The following COL13A1 variants were observed in gnomAD, a reference collection of about 807,000 sequenced individuals.
The protein encoded by COL13A1 is collagen type XIII alpha 1 chain.
COL13A1 carries 89 observed loss-of-function variants against 130.9 expected under a neutral mutation model. The ratio of observed to expected loss-of-function variants is 0.68; its 90% CI spans 0.57 to 0.81. The LOEUF is 0.81. COL13A1 is among the 30% of genes least tolerant of loss of function. The pLI, the probability that COL13A1 is intolerant of heterozygous loss-of-function variation, is 0.00. For synonymous variants in COL13A1, 402 were observed against 341.6 expected (o/e 1.18, Z -1.95); for missense variants, 879 against 934.6 (o/e 0.94, Z 0.78).
chr10:69,888,472 G>T (rs544552026), intron 9 of COL13A1, 142 bp downstream of exon 9: 1 of 1,221,870 alleles, frequency 8.2e-7, no homozygotes, highest in East Asian at 2.6e-5. Context: ...GTGGGAAGTG[G>T]AGGGGGCCAT....
At chr10:69,918,622 T>C (rs2064228790) in intron 19 of COL13A1, among the ~76,000 whole-genome samples, 1 of 152,214 alleles carries the variant, frequency 6.6e-6, no homozygotes, top group African/African-American at 2.4e-5. Context: ...GGCAGCTATA[T>C]GCTTCCAAAG....
In COL13A1 at chr10:69,946,105, AAAT is replaced by A. The variant is rs1283436053; in HGVS notation, c.2022+382_2022+384del. ...ACACACAAACCAAAAAAAAAAAAAA[AAAT>A]CACCTAGGGCCTGGAGCACAAATCC... On this transcript the variant is annotated intron_variant, in intron 37 of 40. Coordinates refer to ENST00000645393, the MANE Select transcript of COL13A1 (RefSeq NM_001368882.1). 1.1e-3 allele frequency among the ~76,000 whole-genome samples: 161 copies of A among 142,192 alleles called. 1 individual carries two copies. Among genetic ancestry groups the A allele is most frequent in the African/African-American group, 3.3e-3 (126 of 37,820 alleles). The allele number at this position is 142,192 out of a possible 152,430, so 93.3% of individuals were successfully genotyped here. A position where few individuals can be genotyped will look rare whatever the true frequency, so the allele number is the denominator to read the frequency against.
rs138445637 is a variant in COL13A1, at chr10:69,804,246, T to C, written c.294+1529T>C. On this transcript the variant is annotated intron_variant, in intron 1 of 40. Coordinates refer to ENST00000645393, the MANE Select transcript of COL13A1 (RefSeq NM_001368882.1). Reference sequence around the variant, plus strand: ...CTCCAGGTATCTCGGGGGTCCTGGCTGCTGAGGGATAAGCATCTGATTTTC... The same window carrying C: ...CTCCAGGTATCTCGGGGGTCCTGGCCGCTGAGGGATAAGCATCTGATTTTC... Among the ~76,000 whole-genome samples, 753 of 151,108 alleles carry C rather than the reference T, an allele frequency of 5.0e-3. 4 individuals are homozygous for C. Among genetic ancestry groups the C allele is most frequent in the South Asian group, 0.024 (111 of 4,700 alleles).
chr10:69,862,963 G>A (rs1257495836), intron 2 of COL13A1, among the ~76,000 whole-genome samples: 2 of 152,214 alleles, frequency 1.3e-5, no homozygotes, highest in Non-Finnish European at 2.9e-5. Flanking sequence ...GGTGGAGGTG[G>A]AACAGGCCAA....
intron 24 of COL13A1, among the ~76,000 whole-genome samples, chr10:69,924,454 T>G (rs1252927479): frequency 6.6e-6 from 1 of 151,928 alleles, no homozygotes; most frequent in Non-Finnish European, 1.5e-5. Context: ...GGGAGGTGGG[T>G]GCTCATACAC....
intron 1 of COL13A1, 104 bp downstream of exon 1, chr10:69,802,821 C>T: frequency 1.4e-6 from 2 of 1,447,480 alleles, no homozygotes; most frequent in East Asian, 2.4e-5. Context: ...CTCTGCGAGC[C>T]CCAGGTTCGC....
At chr10:69,811,510 C>T (rs567919565) in intron 1 of COL13A1, among the ~76,000 whole-genome samples, 9 of 152,310 alleles carry the variant, frequency 5.9e-5, no homozygotes, top group African/African-American at 1.9e-4. Context: ...GCTTCATCCA[C>T]CTCCCCCTGA....
At chr10:69,842,793 T>C (rs1851953623) in intron 2 of COL13A1, among the ~76,000 whole-genome samples, 1 of 152,136 alleles carries the variant, frequency 6.6e-6, no homozygotes, top group Admixed American at 6.5e-5. Context: ...CAGAGTTTGC[T>C]CCTTTGAGGA....
intron 30 of COL13A1, among the ~76,000 whole-genome samples, chr10:69,931,554 A>C (rs1469496610): frequency 6.6e-6 from 1 of 152,184 alleles, no homozygotes; most frequent in Non-Finnish European, 1.5e-5. Context: ...AAGTGGAAAG[A>C]GCCTCAGAGG....
intron 22 of COL13A1, 143 bp downstream of exon 22, chr10:69,922,078 G>A (rs1221721427): frequency 6.2e-6 from 7 of 1,133,132 alleles, no homozygotes; most frequent in Admixed American, 2.9e-5. Context: ...GCCAGATTCT[G>A]TTTGTCGAGG....
At chr10:69,842,841 C>T (rs919038055) in intron 2 of COL13A1, among the ~76,000 whole-genome samples, 2 of 152,194 alleles carry the variant, frequency 1.3e-5, no homozygotes, top group Non-Finnish European at 2.9e-5. Flanking sequence ...TGCTGGGTTC[C>T]GCTGTGTGAG....
intron 13 of COL13A1, among the ~76,000 whole-genome samples, chr10:69,895,953 A>G (rs1315716867): frequency 2.6e-5 from 4 of 151,788 alleles, no homozygotes; most frequent in African/African-American, 9.7e-5. Flanking sequence ...TTGACTCCCC[A>G]CCCAACAAGC....
At chr10:69,913,327 G>A (rs2063577676) in intron 17 of COL13A1, among the ~76,000 whole-genome samples, 1 of 152,230 alleles carries the variant, frequency 6.6e-6, no homozygotes, top group African/African-American at 2.4e-5. Context: ...CCCTTCTGGG[G>A]AGACAAGAGG....
chr10:69,830,516 C>A (rs1271013741), intron 2 of COL13A1, among the ~76,000 whole-genome samples: 1 of 152,154 alleles, frequency 6.6e-6, no homozygotes, highest in Non-Finnish European at 1.5e-5. Flanking sequence ...AGTCATTTAT[C>A]TAAAGTTAAA....
rs2062689635 is a variant in COL13A1 at position 69,905,785 on chromosome 10, A to G, written c.886-2A>G. On this transcript the variant is annotated splice_acceptor_variant, in intron 16 of 40. Transcript: ENST00000645393. LOFTEE classifies it high-confidence loss of function. ...TTAATGGCCTTCTCTTTGTTTTCCC[A>G]GGGAGACCCAGGGATCCAGGGCTAC... is the stretch of plus-strand genomic sequence containing the variant. 1.2e-6 allele frequency: 2 copies of G among 1,613,350 alleles called. No individual in the cohort carries two copies. Among genetic ancestry groups the G allele is most frequent in the Non-Finnish European group, 1.7e-6 (2 of 1,179,728 alleles).
chr10:69,899,899 T>C (rs1343884496), intron 14 of COL13A1, among the ~76,000 whole-genome samples: 2 of 152,068 alleles, frequency 1.3e-5, no homozygotes, highest in Admixed American at 1.3e-4. Context: ...CTGGCCTGAC[T>C]CAGGAGTCAG....
At chr10:69,848,602 A>G (rs1242119043) in intron 2 of COL13A1, among the ~76,000 whole-genome samples, 1 of 152,254 alleles carries the variant, frequency 6.6e-6, no homozygotes, top group African/African-American at 2.4e-5. Context: ...GAGTGAGAGC[A>G]AGAACAGCCA....
chr10:69,905,913 C>T (rs1589428286), intron 17 of COL13A1, 91 bp downstream of exon 17: 7 of 1,440,764 alleles, frequency 4.9e-6, no homozygotes, highest in Non-Finnish European at 6.7e-6. Context: ...CTCTCCCTTC[C>T]AACCTAGGTG....
intron 3 of COL13A1, among the ~76,000 whole-genome samples, chr10:69,869,504 G>A (rs987598024): frequency 6.6e-6 from 1 of 152,334 alleles, no homozygotes; most frequent in South Asian, 2.1e-4. Context: ...TATCCTGGGG[G>A]CTGGCTCTGT....
Sources: gnomAD v4.1 joint callset for allele counts (sites outside exome capture counted in the v4.1 genomes callset) on GRCh38, gnomAD v4.1.1 for gene constraint, MANE v1.5 for transcripts, NCBI Gene and HGNC (gene_info 2026-07-23, HGNC 2026-07-21) for gene names.